The following PARD3B variants were observed in gnomAD, a reference collection of about 807,000 sequenced individuals.
PARD3B encodes partitioning defective 3 homolog B.
In PARD3B, 103 loss-of-function variants were observed where a neutral mutation model predicts 130.2. The observed-to-expected ratio is 0.79, with a 90% CI of 0.67 to 0.93. PARD3B has a LOEUF of 0.93. PARD3B is among the 40% of genes least tolerant of loss of function. The pLI is 0.00. For missense variants in PARD3B, 1,609 were observed against 1,499.2 expected (o/e 1.07, Z -1.21); for synonymous variants, 583 against 553.2 (o/e 1.05, Z -0.76).
At chr2:205,070,617 T>C (rs1418512527) in intron 4 of PARD3B, among the ~76,000 whole-genome samples, 1 of 152,166 alleles carries the variant, frequency 6.6e-6, no homozygotes, top group African/African-American at 2.4e-5. Context: ...AGGTGATATA[T>C]AGCAATACTT....
At chr2:204,614,272 AT>A (rs1392366910) in intron 1 of PARD3B, among the ~76,000 whole-genome samples, 1 of 152,176 alleles carries the variant, frequency 6.6e-6, no homozygotes, top group Admixed American at 6.6e-5. Flanking sequence ...AATCCAAAAT[AT>A]TTTTAACATG....
intron 20 of PARD3B, among the ~76,000 whole-genome samples, chr2:205,481,607 A>G (rs1044515306): frequency 6.6e-5 from 10 of 152,226 alleles, no homozygotes; most frequent in Admixed American, 3.3e-4. Flanking sequence ...AAATAATGTC[A>G]TAGTAGAGCC....
At chr2:205,084,337 T>A (rs1701614237) in intron 4 of PARD3B, among the ~76,000 whole-genome samples, 1 of 152,132 alleles carries the variant, frequency 6.6e-6, no homozygotes, top group Non-Finnish European at 1.5e-5. Flanking sequence ...TTTCTGTAGT[T>A]AGATCTAGAG....
chr2:204,629,355 C>T (rs539742347), intron 1 of PARD3B, among the ~76,000 whole-genome samples: 2 of 152,106 alleles, frequency 1.3e-5, no homozygotes, highest in Admixed American at 1.3e-4. Context: ...ATTTGCTTTT[C>T]TGTATTTGTG....
At chr2:204,905,877 C>T (rs960714428) in intron 2 of PARD3B, among the ~76,000 whole-genome samples, 2 of 152,136 alleles carry the variant, frequency 1.3e-5, no homozygotes, top group Non-Finnish European at 2.9e-5. Flanking sequence ...CCAGTGGTTT[C>T]TAACACCTGA....
intron 1 of PARD3B, among the ~76,000 whole-genome samples, chr2:204,650,014 A>C (rs1413472724): frequency 6.6e-6 from 1 of 152,238 alleles, no homozygotes. Flanking sequence ...AAAACTATGC[A>C]TCTGACAAAG....
chr2:205,154,224 A>G lies in PARD3B; in HGVS notation c.1435-4498A>G, dbSNP rs117233528. Among the ~76,000 whole-genome samples the G allele has an allele frequency of 2.8e-3, 432 of 152,364 alleles. 6 individuals are homozygous for G. In the East Asian group the frequency reaches 0.032, roughly 11 times the overall value. ...AGAAAAAAACAAGCAACCCCATCCA[A>G]AAGTGGGTGAAGGATATGAAAAAAC... On this transcript the variant is annotated intron_variant, in intron 10 of 22. Coordinates refer to ENST00000406610, the MANE Select transcript of PARD3B (RefSeq NM_001302769.2).
chr2:205,296,869 A>G (rs1389095427), intron 16 of PARD3B, among the ~76,000 whole-genome samples: 1 of 146,938 alleles, frequency 6.8e-6, no homozygotes, highest in African/African-American at 2.7e-5. Flanking sequence ...GCGCTATAAC[A>G]TCTTTTTAAA....
intron 2 of PARD3B, among the ~76,000 whole-genome samples, chr2:204,946,629 G>C (rs150258097): frequency 6.6e-6 from 1 of 152,142 alleles, no homozygotes; most frequent in Non-Finnish European, 1.5e-5. Flanking sequence ...AGGATGTACT[G>C]TCAGGGTTCT....
At position 205,499,885 on chromosome 2, in the gene PARD3B, A is replaced by G. The variant is rs371957584; in HGVS notation, c.3045-11A>G. On this transcript the variant is annotated splice_polypyrimidine_tract_variant and intron_variant, in intron 20 of 22. Transcript: ENST00000406610. ...ACTGTGTGAATCTGATTATTTGTCT[A>G]TATCCTGTAGTGGCCGTCCTACGGG... The G allele has an allele frequency of 2.2e-5, 35 of 1,612,308 alleles. No homozygotes were observed. The highest frequency in any genetic ancestry group is 4.5e-5 in the East Asian group (2 of 44,880).
intron 19 of PARD3B, among the ~76,000 whole-genome samples, chr2:205,420,046 A>G (rs1219364923): frequency 1.3e-5 from 2 of 152,224 alleles, no homozygotes; most frequent in Non-Finnish European, 2.9e-5. Flanking sequence ...AGAAAATTCA[A>G]TTAACCGTAA....
chr2:204,602,598 T>C (rs2033558339), intron 1 of PARD3B, among the ~76,000 whole-genome samples: 1 of 151,970 alleles, frequency 6.6e-6, no homozygotes, highest in African/African-American at 2.4e-5. Context: ...CTTTTTCCAT[T>C]GTCACAGACT....
Position 205,193,263 on chromosome 2 carries a change from A to G in PARD3B, c.2083A>G (p.Thr695Ala). 1 of 1,613,878 alleles carries G rather than the reference A, an allele frequency of 6.2e-7. No individual in the cohort carries two copies. The highest frequency in any genetic ancestry group is 8.5e-7 in the Non-Finnish European group (1 of 1,179,766). Residue 695 changes from threonine (T) to alanine (A), a missense_variant, in exon 15 of 23, where the codon ACA becomes GCA. Physicochemically the swap from Thr to Ala is moderately conservative, Grantham distance 58. Transcript: ENST00000406610. ...TCAGCACATCAACTTCAGATCTGTG[A>G]CACCGGCCAGGCAGCCTGAATCAAT... ...PDQHINFRSV[T>A]PARQPESINL...
At chr2:204,788,348 A>G (rs894778250) in intron 2 of PARD3B, among the ~76,000 whole-genome samples, 2 of 152,234 alleles carry the variant, frequency 1.3e-5, no homozygotes, top group South Asian at 2.1e-4. Flanking sequence ...GGGATTGTCT[A>G]GTTCCTTTGC....
At chr2:204,852,965 G>T (rs1166643646) in intron 2 of PARD3B, among the ~76,000 whole-genome samples, 1 of 151,970 alleles carries the variant, frequency 6.6e-6, no homozygotes, top group African/African-American at 2.4e-5. Context: ...TCAATTCTTT[G>T]TATTCAAAAT....
At chr2:204,965,091 A>G in intron 2 of PARD3B, 61 bp from the exon 3 acceptor site, 1 of 1,508,944 alleles carries the variant, frequency 6.6e-7, no homozygotes, top group Non-Finnish European at 9.0e-7. Context: ...GTTCAGCTAG[A>G]TAGTGTCCGT....
intron 2 of PARD3B, among the ~76,000 whole-genome samples, chr2:204,788,998 C>T (rs2042108192): frequency 6.6e-6 from 1 of 152,030 alleles, no homozygotes; most frequent in Non-Finnish European, 1.5e-5. Flanking sequence ...ATTTTTATCA[C>T]TTGTTCCTGT....
chr2:205,212,082 A>C lies in PARD3B; in HGVS notation c.2140+18762A>C, dbSNP rs188694897. ...TGATCTCAGTGCTTTCTCTGTACCC[A>C]GAAAGGCCAGAGGGAAATCTTAGGT... On this transcript the variant is annotated intron_variant, in intron 15 of 22. Coordinates refer to ENST00000406610, the MANE Select transcript of PARD3B (RefSeq NM_001302769.2). 2.3e-4 allele frequency among the ~76,000 whole-genome samples: 35 copies of C among 152,224 alleles called. No individual in the cohort carries two copies. The East Asian group carries it at 6.8e-3, about 29-fold the overall frequency.
At position 205,473,849 on chromosome 2, in the gene PARD3B, A is replaced by C. The variant is rs1165844109; in HGVS notation, c.3045-26047A>C. On this transcript the variant is annotated intron_variant, in intron 20 of 22. Coordinates refer to ENST00000406610, the MANE Select transcript of PARD3B (RefSeq NM_001302769.2). The surrounding 1 kb of genome is among the most constrained non-coding windows in gnomAD (Gnocchi z 4.9). ...ATATTCTTTTCTTTGTTACGTTTAAATGAACTTCACCCTGAGCTACCAAAT... is the reference window on the plus strand; with the variant it reads ...ATATTCTTTTCTTTGTTACGTTTAACTGAACTTCACCCTGAGCTACCAAAT... Among the ~76,000 whole-genome samples, 1 of 151,178 alleles carries C rather than the reference A, an allele frequency of 6.6e-6. No individual in the cohort carries two copies. The highest frequency in any genetic ancestry group is 1.5e-5 in the Non-Finnish European group (1 of 67,768).
Sources: allele counts gnomAD v4.1 joint callset (sites outside exome capture counted in the v4.1 genomes callset), GRCh38; gene constraint gnomAD v4.1.1; non-coding constraint Gnocchi (gnomAD v3.1); transcripts MANE v1.5; gene names NCBI Gene and HGNC (gene_info 2026-07-23, HGNC 2026-07-21).